Variants in SIGLEC1 observed in about 807,000 individuals in gnomAD.
SIGLEC1 encodes the protein sialoadhesin.
A neutral mutation model predicts 148.0 loss-of-function variants in SIGLEC1; 132 were observed. The ratio of observed to expected loss-of-function variants is 0.89; its 90% CI spans 0.77 to 1.03. SIGLEC1 has a LOEUF of 1.03. Among genes scored for constraint, SIGLEC1 ranks in the 50% least tolerant of loss-of-function variants. The pLI, the probability that SIGLEC1 is intolerant of heterozygous loss-of-function variation, is 0.00. For synonymous variants in SIGLEC1, 945 were observed against 969.0 expected, an observed-to-expected ratio of 0.98 and a Z score of 0.46; for missense variants, 2,253 against 2,271.4, an observed-to-expected ratio of 0.99 and a Z score of 0.16.
intron 6 of SIGLEC1, among the ~76,000 whole-genome samples, chr20:3,702,549 T>C (rs2087860103): frequency 6.6e-6 from 1 of 151,278 alleles, no homozygotes; most frequent in South Asian, 2.1e-4. Context: ...GATAGCACCA[T>C]TGCACTCCAG....
chr20:3,697,398 T>A lies in SIGLEC1; in HGVS notation c.2123-56A>T, dbSNP rs2087812000. 1.9e-6 allele frequency: 3 copies of A among 1,603,010 alleles called. No homozygotes were observed. The Admixed American group carries it at 5.0e-5, about 27-fold the overall frequency. ...ACCCCCGGCCCCCAGGAGCCAGGGG[T>A]CCAGCCGCCCAGCCTGGAAGGAGCA... On this transcript the variant is annotated intron_variant, in intron 9 of 21. Coordinates refer to ENST00000344754, the MANE Select transcript of SIGLEC1 (RefSeq NM_023068.4).
rs543288881 is a variant in SIGLEC1, at chr20:3,696,512, C to T, written c.2683+74G>A. 40 of 1,417,852 alleles carry T rather than the reference C, an allele frequency of 2.8e-5. 1 individual carries two copies. The East Asian group carries it at 8.7e-4, about 31-fold the overall frequency. The allele number at this position is 1,417,852 out of a possible 1,614,324, so 87.8% of individuals were successfully genotyped here. On this transcript the variant is annotated intron_variant, in intron 11 of 21. Transcript: ENST00000344754. ...ATATTTCTGCACAAAATTCACAGCACCCAGCCCAAAGTCTGACCAGAGTAG... is the reference window on the plus strand; with the variant it reads ...ATATTTCTGCACAAAATTCACAGCATCCAGCCCAAAGTCTGACCAGAGTAG...
chr20:3,693,196 T>C, intron 14 of SIGLEC1, 65 bp from the exon 15 acceptor site: 1 of 1,489,002 alleles, frequency 6.7e-7, no homozygotes. Context: ...AGTTTGCAGG[T>C]GGCATTCAAA....
chr20:3,693,826 G>T, intron 13 of SIGLEC1, 128 bp from the exon 14 acceptor site: 1 of 988,256 alleles, frequency 1.0e-6, no homozygotes, highest in Non-Finnish European at 1.4e-6. Context: ...GCCTTGGGTG[G>T]CCCACCTATA....
At chr20:3,704,757 C>T (rs1358638148) in intron 4 of SIGLEC1, among the ~76,000 whole-genome samples, 1 of 152,010 alleles carries the variant, frequency 6.6e-6, no homozygotes, top group Non-Finnish European at 1.5e-5. Context: ...ACTGGGACTA[C>T]AGGTGCAAGC....
In SIGLEC1 at chr20:3,688,270, G is replaced by A. The variant is rs2088718719; in HGVS notation, c.*290C>T. ...GAGGAGAAGGATGTGAAAGGGCAGG[G>A]CTTCCTTTGAGGGAGAAATGGAGAG... On this transcript the variant is annotated 3_prime_UTR_variant, in exon 22 of 22. Transcript: ENST00000344754. The A allele has an allele frequency of 6.3e-5, 27 of 426,752 alleles. No individual in the cohort carries two copies. The highest frequency in any genetic ancestry group is 3.8e-4 in the South Asian group (18 of 47,420). The allele number at this position is 426,752 out of a possible 1,614,324, so 26.4% of individuals were successfully genotyped here.
chr20:3,692,309 C>T, intron 16 of SIGLEC1, 107 bp from the exon 17 acceptor site: 2 of 1,266,560 alleles, frequency 1.6e-6, no homozygotes, highest in South Asian at 1.5e-5. Flanking sequence ...CCAATGGCCA[C>T]TTCCTAGAAG....
In SIGLEC1 at chr20:3,707,104, G is replaced by A. The variant is rs1380358246; in HGVS notation, c.25C>T (p.Leu9Phe). The change falls in exon 2 of 22, where the codon CTC becomes TTC. Residue 9 changes from leucine to phenylalanine, a missense_variant. By Grantham distance (22) the Leu-to-Phe change is conservative. Transcript: ENST00000344754. Reference protein sequence around the residue: MGFLPKLLLLASFFPAGQA... With the variant: MGFLPKLLFLASFFPAGQA... The stretch of plus-strand genomic sequence containing the variant: ...CCTGCTGGGAAGAATGAGGCCAGGA[G>A]GAGAAGCTTGGGCAAGAAGCCCATA... 11 of 1,614,030 alleles carry A rather than the reference G, an allele frequency of 6.8e-6. No individual in the cohort carries two copies. The highest frequency in any genetic ancestry group is 3.3e-4 in the Middle Eastern group (2 of 6,084).
At position 3,704,106 on chromosome 20, in the gene SIGLEC1, A is replaced by G. The variant is rs1296324650; in HGVS notation, c.707-15T>C. The G allele has an allele frequency of 1.3e-5, 21 of 1,608,086 alleles. No individual in the cohort carries two copies. The highest frequency in any genetic ancestry group is 1.5e-5 in the Non-Finnish European group (18 of 1,177,046). On this transcript the variant is annotated splice_polypyrimidine_tract_variant and intron_variant, in intron 4 of 21. Transcript: ENST00000344754. The stretch of plus-strand genomic sequence containing the variant: ...CTTGGGGGCATCTGCAAGTCACAGT[A>G]GGGGGTATTGGGTAAGGTGCTTGGG...
intron 1 of SIGLEC1, among the ~76,000 whole-genome samples, chr20:3,709,884 T>C (rs2087919129): frequency 1.3e-5 from 2 of 152,158 alleles, no homozygotes; most frequent in South Asian, 2.1e-4. Flanking sequence ...TAGAATAGGA[T>C]AGAGGTAACC....
At chr20:3,702,951 G>C (rs1369145461) in intron 6 of SIGLEC1, 1 of 535,914 alleles carries the variant, frequency 1.9e-6, no homozygotes, top group East Asian at 3.2e-5. Flanking sequence ...CTAGGTTAAA[G>C]GTATATAATC....
At chr20:3,693,320 C>T in intron 14 of SIGLEC1, 127 bp downstream of exon 14, 1 of 1,227,632 alleles carries the variant, frequency 8.1e-7, no homozygotes, top group Non-Finnish European at 1.1e-6. Flanking sequence ...ATGCTCCTTG[C>T]CCAGTGCTCC....
In SIGLEC1 at chr20:3,692,931, C is replaced by A; in HGVS notation, c.3709G>T (p.Gly1237Cys). The A allele has an allele frequency of 5.6e-6, 9 of 1,612,636 alleles. No individual in the cohort carries two copies. The highest frequency in any genetic ancestry group is 7.6e-6 in the Non-Finnish European group (9 of 1,179,930). Residue 1237 changes from glycine to cysteine, a missense_variant, in exon 15 of 22, where the codon GGT becomes TGT. Physicochemically the swap from Gly to Cys is radical, Grantham distance 159. Transcript: ENST00000344754. ...ELRGPQPRDE[G>C]FYSCSARSPL... is the part of the protein sequence containing the mutation. ...CTGCGGGCAGAGCAGCTGTAGAAAC[C>A]CTCATCCCTGGGCTGTGGCCCTCGC...
Position 3,706,477 on chromosome 20 carries a change from G to A in SIGLEC1, c.279C>T (p.Pro93=), listed in dbSNP as rs376680303. Reference sequence around the variant, plus strand: ...GCAGCAGGTTGCACACCCTGTGCTCGGGGTTCCCCATGAACTCGGTGCGGC... The same window carrying A: ...GCAGCAGGTTGCACACCCTGTGCTCAGGGTTCCCCATGAACTCGGTGCGGC... ...FRGRTEFMGN[P]EHRVCNLLLK... Residue 93 remains proline (P), a synonymous_variant, in exon 3 of 22, where the codon CCC becomes CCT. Coordinates refer to ENST00000344754, the MANE Select transcript of SIGLEC1 (RefSeq NM_023068.4). 1.2e-5 allele frequency: 20 copies of A among 1,613,846 alleles called. No homozygotes were observed. The highest frequency in any genetic ancestry group is 4.4e-5 in the South Asian group (4 of 91,090).
At position 3,703,198 on chromosome 20, in the gene SIGLEC1, G is replaced by A. The variant is rs143886579; in HGVS notation, c.1227C>T (p.Asn409=). The change falls in exon 6 of 22, where the codon AAC becomes AAT. Residue 409 remains asparagine (N), a splice_region_variant and synonymous_variant. Transcript: ENST00000344754. The stretch of plus-strand genomic sequence containing the variant: ...TGCCACCCCACCCTGGCCTCTTACG[G>A]TTGACTACCACGCTGACAGGGCCCG... ...ERSGPVSVVV[N]HPPLTPVLTA... 102 of 1,613,796 alleles carry A rather than the reference G, an allele frequency of 6.3e-5. No homozygotes were observed. Among genetic ancestry groups the A allele is most frequent in the Non-Finnish European group, 8.1e-5 (95 of 1,180,020 alleles).
intron 13 of SIGLEC1, 123 bp downstream of exon 13, chr20:3,694,098 G>A: frequency 9.3e-7 from 1 of 1,075,724 alleles, no homozygotes. Context: ...CCATCGTTAG[G>A]AAGGGTGGGA....
At chr20:3,703,582 G>T in intron 5 of SIGLEC1, 131 bp from the exon 6 acceptor site, 1 of 1,207,130 alleles carries the variant, frequency 8.3e-7, no homozygotes, top group Non-Finnish European at 1.1e-6. Context: ...CTGCTACAGG[G>T]GAGCCTCCTG....
Position 3,694,785 on chromosome 20 carries a change from G to A in SIGLEC1, c.2822C>T (p.Thr941Ile), listed in dbSNP as rs147366645. Reference sequence around the variant, plus strand: ...GGCTGCAAAGCGGAGCGTGGCCGAGGTCGACTCCTGGAGGGGCTGGCCATC... The same window carrying A: ...GGCTGCAAAGCGGAGCGTGGCCGAGATCGACTCCTGGAGGGGCTGGCCATC... ...YRDGQPLQES[T>I]SATLRFAAIT... The change falls in exon 12 of 22, where the codon ACC becomes ATC. Residue 941 changes from threonine to isoleucine, a missense_variant. Coordinates refer to ENST00000344754, the MANE Select transcript of SIGLEC1 (RefSeq NM_023068.4). 5 of 1,613,510 alleles carry A rather than the reference G, an allele frequency of 3.1e-6. No individual in the cohort carries two copies. The African/African-American group carries it at 5.3e-5, about 17-fold the overall frequency.
chr20:3,693,408 C>A (rs940077412), intron 14 of SIGLEC1, 39 bp downstream of exon 14: 10 of 1,529,774 alleles, frequency 6.5e-6, no homozygotes, highest in Non-Finnish European at 8.8e-6. Context: ...GGGCTTCTGT[C>A]ATTCCTGTGA....
Sources: allele counts gnomAD v4.1 joint callset (sites outside exome capture counted in the v4.1 genomes callset), GRCh38; gene constraint gnomAD v4.1.1; transcripts MANE v1.5; gene names NCBI Gene and HGNC (gene_info 2026-07-23, HGNC 2026-07-21).